Variants in VPS36 observed in about 807,000 individuals in gnomAD.
VPS36 encodes the protein vacuolar protein sorting 36 homolog, also known as vacuolar protein-sorting-associated protein 36.
In VPS36, 31 loss-of-function variants were observed where a neutral mutation model predicts 63.5. That is an observed-to-expected ratio of 0.49 (90% CI 0.37 to 0.66). The LOEUF (loss-of-function observed/expected upper bound fraction) is 0.66, where lower values mean the gene tolerates loss of function less well. Ranked by LOEUF, VPS36 falls within the 30% of genes least tolerant of loss-of-function variation. VPS36 has a pLI of 0.00. For synonymous variants in VPS36, 138 were observed against 157.2 expected, an observed-to-expected ratio of 0.88 and a Z score of 0.91; for missense variants, 338 against 463.7, an observed-to-expected ratio of 0.73 and a Z score of 2.49.
At chr13:52,420,192 A>G (rs1338089695) in intron 10 of VPS36, among the ~76,000 whole-genome samples, 5 of 148,372 alleles carry the variant, frequency 3.4e-5, no homozygotes, top group Admixed American at 3.4e-4. Flanking sequence ...CAGTGAGCCG[A>G]GGTTGTGCCA....
chr13:52,428,499 G>A (rs1471678410), intron 6 of VPS36, among the ~76,000 whole-genome samples: 1 of 152,184 alleles, frequency 6.6e-6, no homozygotes, highest in Admixed American at 6.5e-5. Flanking sequence ...AAAGGGGAAT[G>A]TGCACACACC....
At chr13:52,439,517 A>C (rs572013196) in intron 2 of VPS36, among the ~76,000 whole-genome samples, 3 of 151,548 alleles carry the variant, frequency 2.0e-5, no homozygotes, top group Non-Finnish European at 4.4e-5. Flanking sequence ...GTGATCTCGG[A>C]TCACTGCAAG....
intron 1 of VPS36, chr13:52,450,243 G>A: frequency 9.1e-7 from 1 of 1,103,562 alleles, no homozygotes; most frequent in Non-Finnish European, 1.1e-6. Flanking sequence ...GGAAGCGGCC[G>A]CGATCCGCGC....
chr13:52,415,493 T>C lies in VPS36; in HGVS notation c.*337A>G, dbSNP rs186055128. On this transcript the variant is annotated 3_prime_UTR_variant, in exon 14 of 14. Coordinates refer to ENST00000378060, the MANE Select transcript of VPS36 (RefSeq NM_016075.4). The stretch of plus-strand genomic sequence containing the variant: ...ATCTAACCTGTCTGAACATGCAACT[T>C]CTCTTTTTATTCTCTGCAAAACTAA... The C allele has an allele frequency of 5.0e-6, 1 of 200,126 alleles. No homozygotes were observed. The highest frequency in any genetic ancestry group is 5.6e-5 in the Admixed American group (1 of 18,008). The allele number at this position is 200,126 out of a possible 1,614,324, so 12.4% of individuals were successfully genotyped here. A position where few individuals can be genotyped will look rare whatever the true frequency, so the allele number is the denominator to read the frequency against.
rs1253690710 is a variant in VPS36 at position 52,445,811 on chromosome 13, G to T, written c.97-3366C>A. 1.4e-5 allele frequency among the ~76,000 whole-genome samples: 2 copies of T among 143,740 alleles called. 1 individual carries two copies. The highest frequency in any genetic ancestry group is 3.0e-5 in the Non-Finnish European group (2 of 65,748). 94.3% of individuals were successfully genotyped at this position (143,740 alleles called of 152,430 possible). A position where few individuals can be genotyped will look rare whatever the true frequency, so the allele number is the denominator to read the frequency against. On this transcript the variant is annotated intron_variant, in intron 1 of 13. Coordinates refer to ENST00000378060, the MANE Select transcript of VPS36 (RefSeq NM_016075.4). Reference sequence around the variant, plus strand: ...AAAAAATAGCCGGGTGTGGTAGCGGGTGCCTGTAGTCCCAGCTACTTGGGA... The same window carrying T: ...AAAAAATAGCCGGGTGTGGTAGCGGTTGCCTGTAGTCCCAGCTACTTGGGA...
intron 6 of VPS36, 120 bp from the exon 7 acceptor site, chr13:52,427,339 C>T (rs1365066629): frequency 2.0e-6 from 2 of 999,716 alleles, no homozygotes; most frequent in Non-Finnish European, 1.5e-6. Context: ...GGCGCAGTGG[C>T]TCACGCCTAT....
At chr13:52,419,607 T>C (rs763955636) in intron 10 of VPS36, among the ~76,000 whole-genome samples, 13 of 152,040 alleles carry the variant, frequency 8.6e-5, no homozygotes, top group Non-Finnish European at 1.3e-4. Context: ...AAACTGTAAA[T>C]AGAACTATCA....
intron 5 of VPS36, 56 bp from the exon 6 acceptor site, chr13:52,433,804 C>A (rs887866747): frequency 1.3e-5 from 19 of 1,486,044 alleles, no homozygotes; most frequent in Middle Eastern, 1.8e-4. Flanking sequence ...GAAACAAAAT[C>A]TTTTGTAACC....
At chr13:52,420,217 G>A (rs186068529) in intron 10 of VPS36, among the ~76,000 whole-genome samples, 1 of 151,026 alleles carries the variant, frequency 6.6e-6, no homozygotes, top group African/African-American at 2.4e-5. Flanking sequence ...ACTCCAGCCT[G>A]GGTGACAAAA....
rs747565330 is a variant in VPS36, at chr13:52,418,066, A to G, written c.841-10T>C. ...CTTCTGGTGAGAGCAACTAATAGGG[A>G]AAAAAAATCCAGTAATGCTATACAA... On this transcript the variant is annotated splice_polypyrimidine_tract_variant and intron_variant, in intron 10 of 13. Coordinates refer to ENST00000378060, the MANE Select transcript of VPS36 (RefSeq NM_016075.4). 6.0e-5 allele frequency: 97 copies of G among 1,606,104 alleles called. No homozygotes were observed. Among genetic ancestry groups the G allele is most frequent in the Non-Finnish European group, 7.4e-5 (87 of 1,175,676 alleles).
At chr13:52,446,735 T>C (rs80341693) in intron 1 of VPS36, among the ~76,000 whole-genome samples, 6,012 of 152,214 alleles carry the variant, frequency 0.039, 135 homozygotes, top group South Asian at 0.07. Context: ...AGAGTGTGTA[T>C]GTATATATAC....
At chr13:52,434,976 T>TC in intron 4 of VPS36, 94 bp from the exon 5 acceptor site, 4 of 1,223,028 alleles carry the variant, frequency 3.3e-6, no homozygotes, top group Non-Finnish European at 4.4e-6. Flanking sequence ...TTTTTCTTTT[T>TC]TTTTTTTTTT....
chr13:52,437,074 A>C (rs1403719020), intron 3 of VPS36, among the ~76,000 whole-genome samples: 1 of 150,638 alleles, frequency 6.6e-6, no homozygotes, highest in East Asian at 1.9e-4. Context: ...TTTTCTACCT[A>C]GTCAATAAGC....
At position 52,447,350 on chromosome 13, in the gene VPS36, T is replaced by C. The variant is rs548602030; in HGVS notation, c.96+3149A>G. ...CCAAGGGTAAATTCCTAAAAGTGAG[T>C]TAGCTGAAAAAGAATAAACAATTTT... is the stretch of plus-strand genomic sequence containing the variant. On this transcript the variant is annotated intron_variant, in intron 1 of 13. Transcript: ENST00000378060. Among the ~76,000 whole-genome samples the C allele has an allele frequency of 4.5e-4, 69 of 152,284 alleles. 1 individual carries two copies. The highest frequency in any genetic ancestry group is 8.2e-4 in the Non-Finnish European group (56 of 68,022).
At chr13:52,435,976 T>C (rs956286270) in intron 4 of VPS36, 1 of 222,536 alleles carries the variant, frequency 4.5e-6, no homozygotes, top group East Asian at 9.1e-5. Flanking sequence ...TACACTCTGT[T>C]CCTTTAACTA....
At chr13:52,438,450 G>A (rs1958241017) in intron 3 of VPS36, among the ~76,000 whole-genome samples, 1 of 152,172 alleles carries the variant, frequency 6.6e-6, no homozygotes, top group African/African-American at 2.4e-5. Context: ...AACTTCTACT[G>A]AAGTGCCTAA....
chr13:52,433,586 G>A (rs1340436775), intron 6 of VPS36, 76 bp downstream of exon 6: 1 of 1,132,536 alleles, frequency 8.8e-7, no homozygotes, highest in Non-Finnish European at 1.3e-6. Flanking sequence ...TTACAGAAGG[G>A]AATTAGGCAC....
chr13:52,436,229 A>ACG, intron 4 of VPS36, 61 bp downstream of exon 4: 1 of 1,090,760 alleles, frequency 9.2e-7, no homozygotes. Flanking sequence ...ACACACACAC[A>ACG]CACACACACA....
intron 3 of VPS36, among the ~76,000 whole-genome samples, chr13:52,438,123 G>T (rs1438321141): frequency 6.6e-6 from 1 of 151,932 alleles, no homozygotes; most frequent in Non-Finnish European, 1.5e-5. Context: ...AGACACTAAC[G>T]TGAAGGTAAA....
Sources: gnomAD v4.1 joint callset for allele counts (sites outside exome capture counted in the v4.1 genomes callset) on GRCh38, gnomAD v4.1.1 for gene constraint, MANE v1.5 for transcripts, NCBI Gene and HGNC (gene_info 2026-07-23, HGNC 2026-07-21) for gene names.